Variants in WASF1 observed in about 807,000 individuals in gnomAD.
WASF1 encodes the protein WASP family member 1, also known as actin-binding protein WASF1.
Under a neutral mutation model 50.5 loss-of-function variants are expected in WASF1, and 7 were observed. The observed-to-expected ratio is 0.14, with a 90% CI of 0.08 to 0.26. The LOEUF is 0.26. Ranked by LOEUF, WASF1 falls within the 10% of genes least tolerant of loss-of-function variation. The pLI is 1.00. For synonymous variants in WASF1, 205 were observed against 244.0 expected, an observed-to-expected ratio of 0.84 and a Z score of 1.49; for missense variants, 470 against 694.7, an observed-to-expected ratio of 0.68 and a Z score of 3.64.
At chr6:110,115,407 C>G (rs1268647017) in intron 4 of WASF1, among the ~76,000 whole-genome samples, 7 of 151,766 alleles carry the variant, frequency 4.6e-5, no homozygotes, top group Non-Finnish European at 1.0e-4. Flanking sequence ...GGCAAGACAA[C>G]AAGAAGGCAT....
chr6:110,177,304 A>G (rs748874527), intron 2 of WASF1: 1 of 152,016 alleles, frequency 6.6e-6, no homozygotes, highest in Non-Finnish European at 1.5e-5. Context: ...TAACTATTTT[A>G]TCTATATGTT....
chr6:110,107,263 A>G (rs1200143469), intron 6 of WASF1, 69 bp from the exon 7 acceptor site: 5 of 1,054,952 alleles, frequency 4.7e-6, no homozygotes, highest in East Asian at 5.1e-5. Context: ...AAATAATTTC[A>G]CTAAAATGTT....
At chr6:110,140,151 T>C (rs1333779443) in intron 3 of WASF1, among the ~76,000 whole-genome samples, 2 of 152,162 alleles carry the variant, frequency 1.3e-5, no homozygotes, top group African/African-American at 4.8e-5. Flanking sequence ...GAATGTTAAG[T>C]TGACACCAAT....
chr6:110,153,019 G>A (rs779572732), intron 3 of WASF1, among the ~76,000 whole-genome samples: 2 of 152,078 alleles, frequency 1.3e-5, no homozygotes, highest in Non-Finnish European at 2.9e-5. Flanking sequence ...CTTTTGTTCA[G>A]CCTAATGATT....
At chr6:110,106,138 A>G (rs769813839) in intron 7 of WASF1, among the ~76,000 whole-genome samples, 1 of 152,242 alleles carries the variant, frequency 6.6e-6, no homozygotes, top group Non-Finnish European at 1.5e-5. Context: ...GGGCTAGAGT[A>G]AGTGTAACAA....
At position 110,100,603 on chromosome 6, in the gene WASF1, G is replaced by A; in HGVS notation, c.1599C>T (p.Thr533=). 6 of 1,613,692 alleles carry A rather than the reference G, an allele frequency of 3.7e-6. No individual in the cohort carries two copies. The highest frequency in any genetic ancestry group is 5.1e-6 in the Non-Finnish European group (6 of 1,179,850). The change falls in exon 11 of 11, where the codon ACC becomes ACT. Residue 533 remains threonine (T), a synonymous_variant. Coordinates refer to ENST00000392589, the MANE Select transcript of WASF1 (RefSeq NM_003931.3). ...KHERIENDVA[T]ILSRRIAVEY... ...CAACAGCAATACGGCGAGACAGGAT[G>A]GTGGCAACATCGTTTTCAATGCGTT...
intron 3 of WASF1, among the ~76,000 whole-genome samples, chr6:110,157,614 G>T (rs1776093814): frequency 3.6e-5 from 1 of 27,686 alleles, no homozygotes; most frequent in Non-Finnish European, 5.7e-5. Flanking sequence ...CGGTGAGAGA[G>T]GGCATCCCTG....
At chr6:110,113,524 C>T (rs1773662216) in intron 4 of WASF1, 64 bp from the exon 5 acceptor site, 1 of 1,410,554 alleles carries the variant, frequency 7.1e-7, no homozygotes, top group African/African-American at 1.5e-5. Flanking sequence ...TTTATCTTTG[C>T]AAGCAGTAGA....
At chr6:110,152,987 A>G (rs1775891429) in intron 3 of WASF1, among the ~76,000 whole-genome samples, 1 of 152,210 alleles carries the variant, frequency 6.6e-6, no homozygotes, top group Non-Finnish European at 1.5e-5. Context: ...GGATTCACAG[A>G]GTAGTAACTA....
intron 3 of WASF1, among the ~76,000 whole-genome samples, chr6:110,146,824 A>G (rs1254464524): frequency 1.3e-5 from 2 of 152,110 alleles, no homozygotes; most frequent in Non-Finnish European, 2.9e-5. Context: ...GAAATCATAA[A>G]TTTCCTCTTT....
At chr6:110,102,282 C>T (rs1773127469) in intron 9 of WASF1, 66 bp from the exon 10 acceptor site, 14 of 1,331,506 alleles carry the variant, frequency 1.1e-5, no homozygotes, top group Non-Finnish European at 1.2e-5. Flanking sequence ...AATCTAACCA[C>T]ACAAACTATA....
rs545932196 is a variant in WASF1, at chr6:110,102,099, A to C, written c.1011T>G (p.Thr337=). ...PPPPLPSALS[T]SSLRASMTST... ...AAGTCATTGAAGCTCTTAATGAGGA[A>C]GTTGACAAGGCAGATGGAAGAGGTG... The change falls in exon 10 of 11, where the codon ACT becomes ACG. Residue 337 remains threonine, a synonymous_variant. Coordinates refer to ENST00000392589, the MANE Select transcript of WASF1 (RefSeq NM_003931.3). The C allele has an allele frequency of 6.7e-7, 1 of 1,498,900 alleles. No individual in the cohort carries two copies. Among genetic ancestry groups the C allele is most frequent in the African/African-American group, 1.4e-5 (1 of 71,032 alleles). The allele number at this position is 1,498,900 out of a possible 1,614,324, so 92.9% of individuals were successfully genotyped here.
At chr6:110,171,626 G>A (rs1387469687) in intron 2 of WASF1, among the ~76,000 whole-genome samples, 1 of 151,976 alleles carries the variant, frequency 6.6e-6, no homozygotes, top group African/African-American at 2.4e-5. Flanking sequence ...CATGGGCAAG[G>A]ACTTCATGAC....
chr6:110,132,927 T>C (rs1025918794), intron 3 of WASF1, among the ~76,000 whole-genome samples: 4 of 146,622 alleles, frequency 2.7e-5, no homozygotes, highest in Non-Finnish European at 6.0e-5. Context: ...TATATACATA[T>C]ACACCATGGT....
chr6:110,129,006 C>T (rs1241480394), intron 3 of WASF1, among the ~76,000 whole-genome samples: 1 of 152,032 alleles, frequency 6.6e-6, no homozygotes, highest in Non-Finnish European at 1.5e-5. Context: ...ACCCCCTGCC[C>T]GTGGAAAGAC....
Position 110,153,059 on chromosome 6 carries a change from C to T in WASF1, c.-29+7576G>A, listed in dbSNP as rs759964775. ...TGATTGAGATTCATCCATGTTGTTG[C>T]ACTTGTTTATGGAAATTTGGGTAAT... On this transcript the variant is annotated intron_variant, in intron 3 of 10. Coordinates refer to ENST00000392589, the MANE Select transcript of WASF1 (RefSeq NM_003931.3). Among the ~76,000 whole-genome samples the T allele has an allele frequency of 1.2e-3, 180 of 152,230 alleles. 1 individual carries two copies. The highest frequency in any genetic ancestry group is 1.1e-3 in the Admixed American group (17 of 15,280).
chr6:110,176,531 T>G (rs1776936972), intron 2 of WASF1, among the ~76,000 whole-genome samples: 10 of 152,066 alleles, frequency 6.6e-5, no homozygotes, highest in Admixed American at 5.9e-4. Context: ...TCTTTTCTCC[T>G]GAGATAAAGT....
At chr6:110,142,103 G>A (rs973766628) in intron 3 of WASF1, among the ~76,000 whole-genome samples, 3 of 152,100 alleles carry the variant, frequency 2.0e-5, no homozygotes, top group African/African-American at 7.2e-5. Context: ...ATACATTTGA[G>A]AAAAATAATA....
At chr6:110,153,595 A>G (rs764413560) in intron 3 of WASF1, among the ~76,000 whole-genome samples, 4 of 152,056 alleles carry the variant, frequency 2.6e-5, no homozygotes, top group African/African-American at 4.8e-5. Flanking sequence ...TTTAATTTGC[A>G]TTTTTCTATC....
Sources: allele counts gnomAD v4.1 joint callset (sites outside exome capture counted in the v4.1 genomes callset), GRCh38; gene constraint gnomAD v4.1.1; transcripts MANE v1.5; gene names NCBI Gene and HGNC (gene_info 2026-07-23, HGNC 2026-07-21).